DES: variants seen among roughly 807,000 people sequenced by gnomAD.
DES encodes cardiomyopathy, dilated 1F (autosomal dominant).
In DES, 34 loss-of-function variants were observed where a neutral mutation model predicts 55.1. That is an observed-to-expected ratio of 0.62 (90% CI 0.47 to 0.82). The LOEUF is 0.82. Ranked by LOEUF, DES falls within the 40% of genes least tolerant of loss-of-function variation. The probability of loss-of-function intolerance (pLI) is 0.00; values close to 1 mark genes in which losing one functional copy is unlikely to be tolerated. For synonymous variants in DES, 259 were observed against 270.8 expected (o/e 0.96, Z 0.43); for missense variants, 596 against 645.9 (o/e 0.92, Z 0.84).
At position 219,425,742 on chromosome 2, in the gene DES, G is replaced by A. The variant is rs962437326; in HGVS notation, c.1368G>A (p.Gly456=). The change falls in exon 8 of 9, where the codon GGG becomes GGA. Residue 456 remains glycine (G), a synonymous_variant. Transcript: ENST00000373960. ...VMIKTIETRD[G]EVVSEATQQQ... is the part of the protein sequence containing the mutation. ...TCAAGACCATCGAGACACGGGATGG[G>A]GAGGTAAGTGGTCTGTCTGGGCTCC... The A allele has an allele frequency of 1.9e-6, 3 of 1,605,254 alleles. No individual in the cohort carries two copies. The highest frequency in any genetic ancestry group is 2.6e-6 in the Non-Finnish European group (3 of 1,175,982).
chr2:219,422,462 T>TA (rs1954462865), intron 6 of DES, among the ~76,000 whole-genome samples: 1 of 77,066 alleles, frequency 1.3e-5, no homozygotes, highest in African/African-American at 5.2e-5. Context: ...ATGTTCTATA[T>TA]CTTTTTTTTT....
In DES at chr2:219,423,001, A is replaced by G. The variant is rs559875070; in HGVS notation, c.1245-776A>G. ...GATACAGGTACAAACATAAAGAGAA[A>G]CTTCAGATTTTGTAAAATCACGTCT... On this transcript the variant is annotated intron_variant, in intron 6 of 8. Coordinates refer to ENST00000373960, the MANE Select transcript of DES (RefSeq NM_001927.4). Among the ~76,000 whole-genome samples, 9 of 152,348 alleles carry G rather than the reference A, an allele frequency of 5.9e-5. No homozygotes were observed. In the South Asian group the frequency reaches 1.9e-3, roughly 32 times the overall value.
rs537614128 is a variant in DES, at chr2:219,423,441, C to CTT, written c.1245-321_1245-320dup. ...GGTCTCAGGGAAAGATGGGAGGGTT[C>CTT]TTTTTTTTTTTTTTTTGAGACAGGG... On this transcript the variant is annotated intron_variant, in intron 6 of 8. Transcript: ENST00000373960. 2.4e-3 allele frequency among the ~76,000 whole-genome samples: 315 copies of CTT among 133,536 alleles called. 1 individual carries two copies. Among genetic ancestry groups the CTT allele is most frequent in the South Asian group, 6.3e-3 (26 of 4,100 alleles). 87.6% of individuals were successfully genotyped at this position (133,536 alleles called of 152,430 possible). A position where few individuals can be genotyped will look rare whatever the true frequency, so the allele number is the denominator to read the frequency against.
rs1954392225 is a variant in DES at position 219,419,340 on chromosome 2, T to C, written c.578+300T>C. 6.6e-6 allele frequency among the ~76,000 whole-genome samples: 1 copy of C among 152,176 alleles called. No individual in the cohort carries two copies. Among genetic ancestry groups the C allele is most frequent in the South Asian group, 2.1e-4 (1 of 4,832 alleles). ...AGCCCCGTTAAAAAGCATTTTAAGA[T>C]GCTGGGGCGATATTTATGGGGTCAG... On this transcript the variant is annotated intron_variant, in intron 1 of 8. Coordinates refer to ENST00000373960, the MANE Select transcript of DES (RefSeq NM_001927.4). This position sits in a 1 kb window ranked among gnomAD's most constrained non-coding sequence, Gnocchi z 4.3.
Position 219,419,893 on chromosome 2 carries a change from G to A in DES, c.579-202G>A, listed in dbSNP as rs973538409. On this transcript the variant is annotated intron_variant, in intron 1 of 8. Coordinates refer to ENST00000373960, the MANE Select transcript of DES (RefSeq NM_001927.4). The surrounding 1 kb of genome is among the most constrained non-coding windows in gnomAD (Gnocchi z 4.3). ...TGGGGACATAGACTTCAAGGGTGTG[G>A]CTCCTGGGCAGAGATTGGGCCACTT... Among the ~76,000 whole-genome samples the A allele has an allele frequency of 1.1e-4, 17 of 152,166 alleles. No individual in the cohort carries two copies. The highest frequency in any genetic ancestry group is 4.1e-4 in the African/African-American group (17 of 41,432).
chr2:219,425,830 C>T (rs948044159), intron 8 of DES, 85 bp downstream of exon 8: 1 of 1,600,004 alleles, frequency 6.2e-7, no homozygotes, highest in African/African-American at 1.3e-5. Flanking sequence ...CTGTGCTGGT[C>T]TAGGTCCCTG....
At position 219,420,342 on chromosome 2, in the gene DES, A is replaced by G; in HGVS notation, c.731A>G (p.Glu244Gly). ...EEIAFLKKVHEEEIRELQAQL... is the reference protein window; with the variant it reads ...EEIAFLKKVHGEEIRELQAQL... ...ATCGCGTTCCTTAAGAAAGTGCATG[A>G]AGAGGTATACCTTGGCCCCTCTTCC... is the stretch of plus-strand genomic sequence containing the variant. Residue 244 changes from glutamate to glycine, a missense_variant, in exon 3 of 9, where the codon GAA becomes GGA. Physicochemically the swap from Glu to Gly is moderately conservative, Grantham distance 98. Transcript: ENST00000373960. This position sits in a 1 kb window ranked among gnomAD's most constrained non-coding sequence, Gnocchi z 6.0. The G allele has an allele frequency of 6.2e-7, 1 of 1,613,998 alleles. No homozygotes were observed. Among genetic ancestry groups the G allele is most frequent in the East Asian group, 2.2e-5 (1 of 44,872 alleles).
intron 7 of DES, among the ~76,000 whole-genome samples, chr2:219,424,334 C>T (rs1336022743): frequency 6.6e-6 from 1 of 152,218 alleles, no homozygotes; most frequent in Non-Finnish European, 1.5e-5. Context: ...AGAACGAGCT[C>T]TTAGGGCACT....
intron 7 of DES, among the ~76,000 whole-genome samples, chr2:219,424,265 A>C (rs1954497546): frequency 6.6e-6 from 1 of 152,218 alleles, no homozygotes; most frequent in African/African-American, 2.4e-5. Context: ...TGCTGGAGCA[A>C]GATGTTGGAT....
Position 219,418,871 on chromosome 2 carries a change from G to C in DES, c.409G>C (p.Ala137Pro). Residue 137 changes from alanine (A) to proline (P), a missense_variant, in exon 1 of 9, where the codon GCC becomes CCC. By Grantham distance (27) the Ala-to-Pro change is conservative (BLOSUM62 -1). Transcript: ENST00000373960. ...CCTGGAGCAGCAGAACGCGGCGCTC[G>C]CCGCCGAAGTGAACCGGCTCAAGGG... ...RFLEQQNAAL[A>P]AEVNRLKGRE... 1 of 1,573,726 alleles carries C rather than the reference G, an allele frequency of 6.4e-7. No homozygotes were observed. The highest frequency in any genetic ancestry group is 8.6e-7 in the Non-Finnish European group (1 of 1,160,168).
At chr2:219,421,824 G>C (rs2854895) in intron 6 of DES, among the ~76,000 whole-genome samples, 1 of 151,686 alleles carries the variant, frequency 6.6e-6, no homozygotes, top group Non-Finnish European at 1.5e-5. Context: ...CTACCACCAC[G>C]CCTGGCTAAT....
rs774411836 is a variant in DES at position 219,421,382 on chromosome 2, T to C, written c.1066T>C (p.Phe356Leu). The part of the protein sequence containing the change: ...MRQMRELEDR[F>L]ASEASGYQDN... ...GCAGATGCGGGAATTGGAGGACCGATTTGCCAGTGAGGCCAGTGGCTACCA... is the reference window on the plus strand; with the variant it reads ...GCAGATGCGGGAATTGGAGGACCGACTTGCCAGTGAGGCCAGTGGCTACCA... Residue 356 changes from phenylalanine to leucine, a missense_variant, in exon 6 of 9, where the codon TTT (phenylalanine) becomes CTT (leucine). Coordinates refer to ENST00000373960, the MANE Select transcript of DES (RefSeq NM_001927.4). 5 of 1,614,140 alleles carry C rather than the reference T, an allele frequency of 3.1e-6. No homozygotes were observed. Among genetic ancestry groups the C allele is most frequent in the Non-Finnish European group, 4.2e-6 (5 of 1,180,026 alleles).
chr2:219,420,033 A>G lies in DES; in HGVS notation c.579-62A>G, dbSNP rs547462327. 1.3e-6 allele frequency: 2 copies of G among 1,571,004 alleles called. No homozygotes were observed. Among genetic ancestry groups the G allele is most frequent in the African/African-American group, 2.7e-5 (2 of 73,930 alleles). On this transcript the variant is annotated intron_variant, in intron 1 of 8. Transcript: ENST00000373960. The surrounding 1 kb of genome is among the most constrained non-coding windows in gnomAD (Gnocchi z 6.0). The stretch of plus-strand genomic sequence containing the variant: ...CCCACCCCCTGGTCAGCCCCCGGCC[A>G]GTCGTTTCCACTGCCAGCTTTATCA...
At position 219,421,535 on chromosome 2, in the gene DES, A is replaced by C. The variant is rs1553603573; in HGVS notation, c.1219A>C (p.Lys407Gln). 6.2e-7 allele frequency: 1 copy of C among 1,613,970 alleles called. No individual in the cohort carries two copies. The highest frequency in any genetic ancestry group is 8.5e-7 in the Non-Finnish European group (1 of 1,179,986). The change falls in exon 6 of 9, where the codon AAG becomes CAG. Residue 407 changes from lysine (K) to glutamine (Q), a missense_variant. By Grantham distance (53) the Lys-to-Gln change is moderately conservative. Coordinates refer to ENST00000373960, the MANE Select transcript of DES (RefSeq NM_001927.4). ...ALDVEIATYR[K>Q]LLEGEESRIN... ...GGATGTGGAGATTGCCACCTACCGG[A>C]AGCTGCTGGAGGGAGAGGAGAGCCG...
rs73085265 is a variant in DES at position 219,426,458 on chromosome 2, G to A, written c.*468G>A. ...AGGGGGACTAGCCCCTGTGGAGACT[G>A]GGGGGCTTGAAATTGTCCCCGTGGT... On this transcript the variant is annotated 3_prime_UTR_variant, in exon 9 of 9. Transcript: ENST00000373960. The surrounding 1 kb of genome is among the most constrained non-coding windows in gnomAD (Gnocchi z 4.5). 2.5e-5 allele frequency: 6 copies of A among 240,886 alleles called. No individual in the cohort carries two copies. The highest frequency in any genetic ancestry group is 4.8e-5 in the Admixed American group (1 of 20,726). 14.9% of individuals were successfully genotyped at this position (240,886 alleles called of 1,614,324 possible).
chr2:219,425,553 G>T, intron 7 of DES, 110 bp from the exon 8 acceptor site: 3 of 906,366 alleles, frequency 3.3e-6, no homozygotes, highest in East Asian at 2.6e-5. Context: ...CTTGAGGGGG[G>T]TTGGGGTCTG....
At chr2:219,424,209 C>T (rs2125170860) in intron 7 of DES, among the ~76,000 whole-genome samples, 1 of 152,324 alleles carries the variant, frequency 6.6e-6, no homozygotes, top group South Asian at 2.1e-4. Flanking sequence ...GTCTGTTTGG[C>T]ACATTGCCAA....
intron 7 of DES, among the ~76,000 whole-genome samples, chr2:219,424,556 G>C (rs1401967946): frequency 2.0e-5 from 3 of 152,176 alleles, no homozygotes; most frequent in African/African-American, 4.8e-5. Flanking sequence ...ATCACAGGCT[G>C]GTTGCTAGCT....
chr2:219,418,996 C>T lies in DES; in HGVS notation c.534C>T (p.Val178=), dbSNP rs1163205960. ...VLTNQRARVD[V]ERDNLLDDLQ... ...CTAACCAGCGCGCGCGCGTCGACGT[C>T]GAGCGCGACAACCTGCTCGACGACC... is the stretch of plus-strand genomic sequence containing the variant. The change falls in exon 1 of 9, where the codon GTC becomes GTT. Residue 178 remains valine (V), a synonymous_variant. Transcript: ENST00000373960. The T allele has an allele frequency of 8.4e-6, 13 of 1,549,250 alleles. No individual in the cohort carries two copies. The highest frequency in any genetic ancestry group is 1.0e-5 in the Non-Finnish European group (12 of 1,147,866).
Sources: gnomAD v4.1 joint callset for allele counts (sites outside exome capture counted in the v4.1 genomes callset) on GRCh38, gnomAD v4.1.1 for gene constraint, Gnocchi (gnomAD v3.1) non-coding constraint, MANE v1.5 for transcripts, NCBI Gene and HGNC (gene_info 2026-07-23, HGNC 2026-07-21) for gene names.